CCDC73: variants seen among roughly 807,000 people sequenced by gnomAD.
CCDC73 encodes coiled-coil domain-containing protein 73.
Under a neutral mutation model 116.5 loss-of-function variants are expected in CCDC73, and 95 were observed. The ratio of observed to expected loss-of-function variants is 0.82; its 90% CI spans 0.69 to 0.97. The LOEUF (loss-of-function observed/expected upper bound fraction) is 0.97, where lower values mean the gene tolerates loss of function less well. Ranked by LOEUF, CCDC73 falls within the 50% of genes least tolerant of loss-of-function variation. The pLI is 0.00. For missense variants in CCDC73, 1,066 were observed against 1,206.8 expected (o/e 0.88, Z 1.73); for synonymous variants, 398 against 401.3 (o/e 0.99, Z 0.10).
the CCDC73 span, among the ~76,000 whole-genome samples, chr11:32,826,930 C>T: frequency 3.3e-5 from 5 of 152,116 alleles, no homozygotes; most frequent in African/African-American, 1.2e-4. Flanking sequence ...GGCGCGATCT[C>T]GGCTCACTGC....
intron 4 of CCDC73, among the ~76,000 whole-genome samples, chr11:32,701,091 A>C (rs1849806962): frequency 6.6e-6 from 1 of 152,166 alleles, no homozygotes; most frequent in African/African-American, 2.4e-5. Flanking sequence ...TCCAGGGCTC[A>C]AGGGATCTTC....
chr11:32,763,705 AC>A (rs1850413492), intron 1 of CCDC73, among the ~76,000 whole-genome samples: 1 of 152,170 alleles, frequency 6.6e-6, no homozygotes, highest in African/African-American at 2.4e-5. Context: ...AAATCAGAGC[AC>A]CTCTCCCCCT....
chr11:32,694,320 T>C (rs1856289510), intron 6 of CCDC73, among the ~76,000 whole-genome samples: 1 of 152,288 alleles, frequency 6.6e-6, no homozygotes, highest in East Asian at 1.9e-4. Flanking sequence ...TCACAATTGC[T>C]ACAAAAGACA....
chr11:32,771,789 A>G (rs973735372), intron 1 of CCDC73, among the ~76,000 whole-genome samples: 1 of 152,218 alleles, frequency 6.6e-6, no homozygotes, highest in Non-Finnish European at 1.5e-5. Context: ...TCCTCCCATC[A>G]TCTCATTTGA....
Position 32,614,864 on chromosome 11 carries a change from G to C in CCDC73, c.1454C>G (p.Ser485Cys), listed in dbSNP as rs1189209096. ...VSQDENQSEISLSKTLSLDKE... is the reference protein window; with the variant it reads ...VSQDENQSEICLSKTLSLDKE... ...ATCTAAGGAGAGGGTTTTGCTTAAG[G>C]AGATTTCACTTTGATTTTCATCCTG... The change falls in exon 16 of 18, where the codon TCC becomes TGC. Residue 485 changes from serine to cysteine, a missense_variant. By Grantham distance (112) the Ser-to-Cys change is moderately radical (BLOSUM62 -1). Transcript: ENST00000335185. 8 of 1,612,390 alleles carry C rather than the reference G, an allele frequency of 5.0e-6. No homozygotes were observed. Among genetic ancestry groups the C allele is most frequent in the Non-Finnish European group, 5.1e-6 (6 of 1,179,356 alleles).
the CCDC73 span, among the ~76,000 whole-genome samples, chr11:32,815,097 G>A: frequency 5.9e-5 from 9 of 152,252 alleles, no homozygotes; most frequent in Admixed American, 5.9e-4. Context: ...AAATGTTCCG[G>A]AATGACACAG....
chr11:32,611,900 G>A (rs1391964348), intron 16 of CCDC73, among the ~76,000 whole-genome samples: 1 of 152,060 alleles, frequency 6.6e-6, no homozygotes, highest in African/African-American at 2.4e-5. Context: ...TTAATTACAA[G>A]AAAGGACTTC....
intron 2 of CCDC73, among the ~76,000 whole-genome samples, chr11:32,755,566 C>A (rs976962918): frequency 1.4e-5 from 1 of 69,346 alleles, no homozygotes; most frequent in Non-Finnish European, 2.9e-5. Flanking sequence ...TATATATGTA[C>A]ATATATATCC....
chr11:32,815,897 C>T, the CCDC73 span, among the ~76,000 whole-genome samples: 2 of 152,148 alleles, frequency 1.3e-5, no homozygotes, highest in Non-Finnish European at 2.9e-5. Flanking sequence ...ACACGCTATC[C>T]TTTCTGCATG....
the CCDC73 span, among the ~76,000 whole-genome samples, chr11:32,812,374 G>A: frequency 1.3e-5 from 2 of 152,144 alleles, no homozygotes; most frequent in Non-Finnish European, 2.9e-5. Context: ...ACAAAAATTA[G>A]TCAGGCATAG....
intron 2 of CCDC73, among the ~76,000 whole-genome samples, chr11:32,719,072 A>G (rs1202846696): frequency 6.6e-6 from 1 of 152,198 alleles, no homozygotes; most frequent in Non-Finnish European, 1.5e-5. Flanking sequence ...GCAAAGACAG[A>G]GTTTCTCTGG....
chr11:32,675,514 T>A (rs374696033), intron 9 of CCDC73, 51 bp downstream of exon 9: 455 of 1,166,046 alleles, frequency 3.9e-4, no homozygotes, highest in Non-Finnish European at 5.2e-4. Flanking sequence ...CGCATAAGAC[T>A]ATTTTATATT....
chr11:32,814,834 A>G, the CCDC73 span, among the ~76,000 whole-genome samples: 5 of 152,362 alleles, frequency 3.3e-5, no homozygotes, highest in Middle Eastern at 3.4e-3. Flanking sequence ...AAAATAAAAT[A>G]CTATTTAGCC....
In CCDC73 at chr11:32,637,004, A is replaced by ACTTTTT. The variant is rs1353916539; in HGVS notation, c.1051-1180_1051-1175dup. ...TTGACCCAGTTCCTCTGTCTGTTTC[A>ACTTTTT]CTTTTTCTTTTTCTTTTTTTTTTTT... On this transcript the variant is annotated intron_variant, in intron 13 of 17. Transcript: ENST00000335185. 7.4e-4 allele frequency among the ~76,000 whole-genome samples: 92 copies of ACTTTTT among 123,528 alleles called. 2 individuals are homozygous for ACTTTTT. The highest frequency in any genetic ancestry group is 1.0e-3 in the Non-Finnish European group (63 of 60,206). The allele number at this position is 123,528 out of a possible 152,430, so 81.0% of individuals were successfully genotyped here.
intron 2 of CCDC73, among the ~76,000 whole-genome samples, chr11:32,751,970 A>T (rs1381747616): frequency 6.6e-6 from 1 of 152,230 alleles, no homozygotes; most frequent in Non-Finnish European, 1.5e-5. Flanking sequence ...AAGGTCATTC[A>T]TGCAGAAGCA....
At chr11:32,826,061 A>G in the CCDC73 span, among the ~76,000 whole-genome samples, 1 of 152,206 alleles carries the variant, frequency 6.6e-6, no homozygotes, top group Non-Finnish European at 1.5e-5. Flanking sequence ...TGTTATTAAC[A>G]ATCATTGTTC....
chr11:32,653,970 T>A lies in CCDC73; in HGVS notation c.834+8A>T, dbSNP rs187625408. 1.1e-5 allele frequency: 18 copies of A among 1,596,730 alleles called. No homozygotes were observed. The East Asian group carries it at 3.8e-4, about 34-fold the overall frequency. On this transcript the variant is annotated splice_region_variant and intron_variant, in intron 11 of 17. Transcript: ENST00000335185. ...TTACTGGCTTCCAAATAGCTTATGA[T>A]TGCTTACCTGTTTTTCTTCTTGAAT... is the stretch of plus-strand genomic sequence containing the variant.
intron 2 of CCDC73, among the ~76,000 whole-genome samples, chr11:32,728,954 C>T (rs1376949325): frequency 6.6e-6 from 1 of 151,796 alleles, no homozygotes; most frequent in African/African-American, 2.4e-5. Context: ...ATTCACCCGC[C>T]TTGGCCTTCC....
chr11:32,681,851 A>G (rs1856148642), intron 7 of CCDC73: 1 of 151,930 alleles, frequency 6.6e-6, no homozygotes. Flanking sequence ...AATGAATATA[A>G]GTAAGAATGC....
Sources: gnomAD v4.1 joint callset for allele counts (sites outside exome capture counted in the v4.1 genomes callset) on GRCh38, gnomAD v4.1.1 for gene constraint, MANE v1.5 for transcripts, NCBI Gene and HGNC (gene_info 2026-07-23, HGNC 2026-07-21) for gene names.